Variants in SMARCA2 observed in about 807,000 individuals in gnomAD.
SMARCA2 encodes the protein SWI/SNF-related matrix-associated actin-dependent regulator of chromatin subfamily A member 2.
In SMARCA2, 61 loss-of-function variants were observed where a neutral mutation model predicts 199.8. That is an observed-to-expected ratio of 0.31 (90% confidence interval 0.25 to 0.38). The LOEUF (loss-of-function observed/expected upper bound fraction) is 0.38. Ranked by LOEUF, SMARCA2 falls within the 10% of genes least tolerant of loss-of-function variation. SMARCA2 has a pLI of 1.00. For missense variants in SMARCA2, 1,344 were observed against 2,012.2 expected (o/e 0.67, Z 6.35); for synonymous variants, 935 against 732.0 (o/e 1.28, Z -4.48).
chr9:2,134,570 G>A (rs1824112046), intron 27 of SMARCA2, among the ~76,000 whole-genome samples: 1 of 152,120 alleles, frequency 6.6e-6, no homozygotes, highest in Admixed American at 6.5e-5. Flanking sequence ...AAAAACAATG[G>A]GGCTAGCAGT....
chr9:2,091,714 C>T (rs1431881265), intron 19 of SMARCA2, among the ~76,000 whole-genome samples: 1 of 152,170 alleles, frequency 6.6e-6, no homozygotes. Flanking sequence ...TGGGTAGTCC[C>T]ACCAGAAATA....
Position 2,170,521 on chromosome 9 carries a change from G to T in SMARCA2, c.4253+49G>T, listed in dbSNP as rs377510238. 1.2e-6 allele frequency: 2 copies of T among 1,612,984 alleles called. No individual in the cohort carries two copies. Among genetic ancestry groups the T allele is most frequent in the African/African-American group, 1.3e-5 (1 of 74,982 alleles). On this transcript the variant is annotated intron_variant, in intron 29 of 33. Coordinates refer to ENST00000349721, the MANE Select transcript of SMARCA2 (RefSeq NM_003070.5). This position sits in a 1 kb window ranked among gnomAD's most constrained non-coding sequence, Gnocchi z 4.7. ...CTATCTCTAAATACAGGTATCCCTC[G>T]TTACGTGAAACAGATTGAATCATAT...
intron 28 of SMARCA2, among the ~76,000 whole-genome samples, chr9:2,168,208 G>T (rs1232885023): frequency 6.6e-6 from 1 of 151,798 alleles, no homozygotes; most frequent in Non-Finnish European, 1.5e-5. Flanking sequence ...ACAGGGTTTT[G>T]CCATGTTGGT....
At chr9:2,149,498 C>T (rs745716363) in intron 27 of SMARCA2, among the ~76,000 whole-genome samples, 4 of 151,304 alleles carry the variant, frequency 2.6e-5, no homozygotes, top group East Asian at 1.9e-4. Context: ...CCAGCCTGGG[C>T]GACAGAGTGA....
intron 25 of SMARCA2, among the ~76,000 whole-genome samples, chr9:2,118,512 A>G (rs1173963656): frequency 6.6e-6 from 1 of 152,144 alleles, no homozygotes; most frequent in African/African-American, 2.4e-5. Flanking sequence ...GTGAAATTGG[A>G]TGTCTGAAGT....
intron 19 of SMARCA2, among the ~76,000 whole-genome samples, chr9:2,094,192 A>G (rs558886486): frequency 7.9e-5 from 12 of 152,234 alleles, no homozygotes; most frequent in Admixed American, 1.3e-4. Flanking sequence ...GGGAGCAAAC[A>G]TAAAATATAG....
chr9:2,091,324 A>G (rs1464782312), intron 19 of SMARCA2, among the ~76,000 whole-genome samples: 1 of 152,170 alleles, frequency 6.6e-6, no homozygotes, highest in African/African-American at 2.4e-5. Context: ...ATCCCTGTCT[A>G]TAGCTTTATC....
At chr9:2,063,197 A>G (rs1354527700) in intron 9 of SMARCA2, among the ~76,000 whole-genome samples, 2 of 152,300 alleles carry the variant, frequency 1.3e-5, no homozygotes, top group East Asian at 3.9e-4. Flanking sequence ...GGGAAGAAAA[A>G]AAGAAAAGAA....
At chr9:2,176,193 T>TTTTGTTTTTTTTTTTTTTTG in intron 29 of SMARCA2, among the ~76,000 whole-genome samples, 1 of 150,546 alleles carries the variant, frequency 6.6e-6, no homozygotes, top group African/African-American at 2.5e-5. Flanking sequence ...TTTTTTTTTT[T>TTTTGTTTTTTTTTTTTTTTG]TTTTTTTTTT....
At chr9:2,053,276 G>A (rs1820207465) in intron 5 of SMARCA2, among the ~76,000 whole-genome samples, 1 of 152,164 alleles carries the variant, frequency 6.6e-6, no homozygotes, top group Non-Finnish European at 1.5e-5. Context: ...GCCTCCAGCT[G>A]CATCCATGTT....
Position 2,169,284 on chromosome 9 carries a change from G to A in SMARCA2, c.4200-1135G>A, listed in dbSNP as rs1316562734. Among the ~76,000 whole-genome samples the A allele has an allele frequency of 6.6e-6, 1 of 152,144 alleles. No homozygotes were observed. The highest frequency in any genetic ancestry group is 2.4e-5 in the African/African-American group (1 of 41,436). The stretch of plus-strand genomic sequence containing the variant: ...CTTCCTGTCCTGGCTTCTTTCTGAG[G>A]CACCTAACTTGTCATTTCATATTGT... On this transcript the variant is annotated intron_variant, in intron 28 of 33. Coordinates refer to ENST00000349721, the MANE Select transcript of SMARCA2 (RefSeq NM_003070.5). The surrounding 1 kb of genome is among the most constrained non-coding windows in gnomAD (Gnocchi z 6.5).
intron 27 of SMARCA2, among the ~76,000 whole-genome samples, chr9:2,155,013 G>A (rs373787388): frequency 6.6e-6 from 1 of 152,174 alleles, no homozygotes; most frequent in East Asian, 1.9e-4. Context: ...TAAGTCTCTT[G>A]CAGGGTCTCA....
intron 22 of SMARCA2, among the ~76,000 whole-genome samples, chr9:2,102,961 GTT>G (rs111370241): frequency 2.9e-5 from 4 of 137,556 alleles, no homozygotes; most frequent in Admixed American, 7.3e-5. Context: ...CATGCTCCCT[GTT>G]TTTTTTTTTT....
chr9:2,160,213 T>C (rs1825592156), intron 27 of SMARCA2: 1 of 174,134 alleles, frequency 5.7e-6, no homozygotes, highest in South Asian at 1.8e-4. Flanking sequence ...ATGTGAAGCT[T>C]TTTTTTTTTT....
At chr9:2,179,540 C>T in intron 29 of SMARCA2, among the ~76,000 whole-genome samples, 1 of 152,110 alleles carries the variant, frequency 6.6e-6, no homozygotes, top group Non-Finnish European at 1.5e-5. Context: ...GACTTGTCTC[C>T]TTATGGGGTT....
At chr9:2,149,624 T>C (rs1001979738) in intron 27 of SMARCA2, among the ~76,000 whole-genome samples, 1 of 151,568 alleles carries the variant, frequency 6.6e-6, no homozygotes, top group Non-Finnish European at 1.5e-5. Flanking sequence ...ATGATTCAAA[T>C]TATCTCCCAC....
At position 2,032,996 on chromosome 9, in the gene SMARCA2, T is replaced by C. The variant is rs1819140072; in HGVS notation, c.270T>C (p.His90=). ...ACAAGGGGATTGTAGAAGACATCCA[T>C]TGTGGATCCATGAAGGGCACTGGTA... The part of the protein sequence containing the change: ...IHDKGIVEDI[H]CGSMKGTGMR... Residue 90 remains histidine (H), a synonymous_variant, in exon 3 of 34, where the codon CAT becomes CAC. Transcript: ENST00000349721. 4.3e-6 allele frequency: 7 copies of C among 1,614,036 alleles called. No homozygotes were observed. The South Asian group carries it at 5.5e-5, about 13-fold the overall frequency.
Position 2,039,992 on chromosome 9 carries a change from G to A in SMARCA2, c.790+92G>A, listed in dbSNP as rs144581526. 353 of 1,556,110 alleles carry A rather than the reference G, an allele frequency of 2.3e-4. 1 individual carries two copies. The Admixed American group carries it at 5.7e-3, about 25-fold the overall frequency. ...AAACACCGGGTTGTTAAAAGCCCGG[G>A]GCTGACGTAGCCTTTTGTTATACCT... On this transcript the variant is annotated intron_variant, in intron 4 of 33. Coordinates refer to ENST00000349721, the MANE Select transcript of SMARCA2 (RefSeq NM_003070.5). This position sits in a 1 kb window ranked among gnomAD's most constrained non-coding sequence, Gnocchi z 4.8.
intron 27 of SMARCA2, among the ~76,000 whole-genome samples, chr9:2,136,801 C>G (rs887174960): frequency 6.6e-6 from 1 of 152,132 alleles, no homozygotes; most frequent in African/African-American, 2.4e-5. Context: ...TTAAAATAAA[C>G]CATGAGATGC....
Sources: gnomAD v4.1 joint callset for allele counts (sites outside exome capture counted in the v4.1 genomes callset) on GRCh38, gnomAD v4.1.1 for gene constraint, Gnocchi (gnomAD v3.1) non-coding constraint, MANE v1.5 for transcripts, NCBI Gene and HGNC (gene_info 2026-07-23, HGNC 2026-07-21) for gene names.